TOM1L1: variants seen among roughly 807,000 people sequenced by gnomAD.
The protein encoded by TOM1L1 is TOM1-like protein 1.
TOM1L1 carries 64 observed loss-of-function variants against 63.4 expected under a neutral mutation model. The observed-to-expected ratio is 1.01, with a 90% CI of 0.83 to 1.24. The LOEUF is 1.24. Ranked by LOEUF, TOM1L1 falls within the 50% of genes most tolerant of loss-of-function variation. TOM1L1 has a pLI of 0.00. For synonymous variants in TOM1L1, 166 were observed against 194.4 expected (o/e 0.85, Z 1.22); for missense variants, 536 against 567.0 (o/e 0.95, Z 0.55).
At chr17:54,955,755 A>G (rs907103386) in intron 14 of TOM1L1, among the ~76,000 whole-genome samples, 5 of 152,158 alleles carry the variant, frequency 3.3e-5, no homozygotes, top group Admixed American at 6.5e-5. Context: ...CCTAGGTCCT[A>G]ATCCTGACAA....
chr17:54,936,352 A>C (rs2048945912), intron 8 of TOM1L1: 1 of 253,124 alleles, frequency 4.0e-6, no homozygotes, highest in East Asian at 9.6e-5. Flanking sequence ...TATCCTTTCA[A>C]CTAAGCTTAA....
intron 10 of TOM1L1, chr17:54,937,855 A>G (rs2048975513): frequency 6.6e-6 from 1 of 152,122 alleles, no homozygotes; most frequent in Admixed American, 6.5e-5. Context: ...AACATTTATA[A>G]AAGAGTTACC....
intron 7 of TOM1L1, 110 bp from the exon 8 acceptor site, chr17:54,929,963 C>A: frequency 1.4e-6 from 2 of 1,380,020 alleles, no homozygotes; most frequent in Non-Finnish European, 2.0e-6. Context: ...TAGTGCCCCA[C>A]AGGCTACTTA....
At chr17:54,908,586 A>C (rs1391613569) in intron 3 of TOM1L1, among the ~76,000 whole-genome samples, 2 of 152,178 alleles carry the variant, frequency 1.3e-5, no homozygotes, top group African/African-American at 4.8e-5. Flanking sequence ...GTTATCTGTC[A>C]TGTTGAGTTC....
intron 11 of TOM1L1, 141 bp downstream of exon 11, chr17:54,939,161 C>A (rs774413811): frequency 4.0e-6 from 2 of 498,006 alleles, no homozygotes; most frequent in Non-Finnish European, 6.8e-6. Context: ...ATCACTTGAG[C>A]CCAGGAGTTT....
rs758370490 is a variant in TOM1L1 at position 54,930,082 on chromosome 17, A to AAT, written c.731_732insTA (p.Lys244AsnfsTer23). On this transcript the variant is annotated frameshift_variant, in exon 8 of 16. Coordinates refer to ENST00000575882, the MANE Select transcript of TOM1L1 (RefSeq NM_005486.3). LOFTEE classifies it high-confidence loss of function. ...CTCCTTTCTTTGACAGAAACTCTAT[A>AAT]AAACAGGTCGGGAGATGCAGGAGAG... The AAT allele has an allele frequency of 1.9e-6, 3 of 1,614,106 alleles. No homozygotes were observed. The highest frequency in any genetic ancestry group is 2.5e-6 in the Non-Finnish European group (3 of 1,179,994).
intron 7 of TOM1L1, among the ~76,000 whole-genome samples, chr17:54,920,930 C>T (rs2048673658): frequency 6.7e-6 from 1 of 148,996 alleles, no homozygotes; most frequent in African/African-American, 2.5e-5. Flanking sequence ...TATGTATTTT[C>T]ACTCTCTCCA....
At position 54,900,921 on chromosome 17, in the gene TOM1L1, TAGGTA is replaced by T. The variant is rs763491689; in HGVS notation, c.58+2_58+6del. ...TACGCGACCTCCGTGGGCCACCTCATAGGTAAGGAGGCGCGGGGAGAGACGCCCAG... is the reference window on the plus strand; with the variant it reads ...TACGCGACCTCCGTGGGCCACCTCATAGGAGGCGCGGGGAGAGACGCCCAG... On this transcript the variant is annotated splice_donor_variant and splice_donor_region_variant and coding_sequence_variant and intron_variant, in exon 1 of 16. Transcript: ENST00000575882. LOFTEE classifies it high-confidence loss of function. The T allele has an allele frequency of 2.5e-6, 4 of 1,613,742 alleles. No homozygotes were observed. In the Admixed American group the frequency reaches 6.7e-5, roughly 27 times the overall value.
At chr17:54,908,716 T>C (rs2048450512) in intron 3 of TOM1L1, among the ~76,000 whole-genome samples, 1 of 152,184 alleles carries the variant, frequency 6.6e-6, no homozygotes, top group African/African-American at 2.4e-5. Context: ...TACCAGGCTT[T>C]ATTACTCTGA....
At chr17:54,907,572 T>C (rs1039047207) in intron 3 of TOM1L1, among the ~76,000 whole-genome samples, 1 of 151,934 alleles carries the variant, frequency 6.6e-6, no homozygotes, top group Non-Finnish European at 1.5e-5. Context: ...ATATCAGATG[T>C]TGACTGGATT....
intron 2 of TOM1L1, among the ~76,000 whole-genome samples, chr17:54,904,557 C>G (rs1202448918): frequency 6.6e-6 from 1 of 152,074 alleles, no homozygotes. Context: ...GTCTTTTTTC[C>G]TCCCTGTCCC....
intron 3 of TOM1L1, among the ~76,000 whole-genome samples, chr17:54,910,183 C>T (rs2048474722): frequency 6.6e-6 from 1 of 152,186 alleles, no homozygotes; most frequent in African/African-American, 2.4e-5. Flanking sequence ...GGGCCAGGTG[C>T]AGTGGTTCAT....
chr17:54,951,412 C>T (rs910720052), intron 14 of TOM1L1, among the ~76,000 whole-genome samples: 1 of 152,148 alleles, frequency 6.6e-6, no homozygotes, highest in African/African-American at 2.4e-5. Flanking sequence ...AGCATTCCTT[C>T]CCCCAGGGTA....
intron 1 of TOM1L1, 134 bp downstream of exon 1, chr17:54,901,057 C>T: frequency 5.8e-6 from 7 of 1,215,598 alleles, no homozygotes; most frequent in South Asian, 1.4e-5. Context: ...CCGCAACTTT[C>T]CCAAGGCACC....
intron 10 of TOM1L1, among the ~76,000 whole-genome samples, chr17:54,938,366 C>T (rs940605366): frequency 2.0e-5 from 3 of 151,742 alleles, no homozygotes; most frequent in Non-Finnish European, 4.4e-5. Flanking sequence ...TGGTGGTGGG[C>T]GCCTATAATC....
Position 54,903,632 on chromosome 17 carries a change from C to T in TOM1L1, c.59-76C>T, listed in dbSNP as rs764261722. 1.5e-5 allele frequency: 20 copies of T among 1,327,518 alleles called. No homozygotes were observed. In the African/African-American group the frequency reaches 2.3e-4, roughly 15 times the overall value. The allele number at this position is 1,327,518 out of a possible 1,614,324, so 82.2% of individuals were successfully genotyped here. On this transcript the variant is annotated intron_variant, in intron 1 of 15. Transcript: ENST00000575882. Reference sequence around the variant, plus strand: ...ACTTAATGACACTTGCTGGTGCAGCCTAGGCAGATTATTTCAGGAATACCA... The same window carrying T: ...ACTTAATGACACTTGCTGGTGCAGCTTAGGCAGATTATTTCAGGAATACCA...
intron 7 of TOM1L1, among the ~76,000 whole-genome samples, chr17:54,917,622 T>C (rs1015301294): frequency 1.3e-5 from 2 of 152,194 alleles, no homozygotes; most frequent in Non-Finnish European, 2.9e-5. Flanking sequence ...TTCTGTGGAC[T>C]CTCCTTTGCA....
intron 7 of TOM1L1, among the ~76,000 whole-genome samples, chr17:54,920,077 C>T (rs538015349): frequency 1.3e-5 from 2 of 151,784 alleles, no homozygotes; most frequent in South Asian, 2.1e-4. Flanking sequence ...TGTATTTTTT[C>T]AAAGGTTTCT....
chr17:54,920,511 A>G (rs1390210632), intron 7 of TOM1L1, among the ~76,000 whole-genome samples: 1 of 152,228 alleles, frequency 6.6e-6, no homozygotes, highest in African/African-American at 2.4e-5. Context: ...CAGTGAGACT[A>G]TTCAGTGCCT....
Sources: allele counts gnomAD v4.1 joint callset (sites outside exome capture counted in the v4.1 genomes callset), GRCh38; gene constraint gnomAD v4.1.1; transcripts MANE v1.5; gene names NCBI Gene and HGNC (gene_info 2026-07-23, HGNC 2026-07-21).